Variants in RRP1B observed in about 807,000 individuals in gnomAD.
RRP1B encodes ribosomal RNA processing protein 1 homolog B.
RRP1B carries 56 observed loss-of-function variants against 80.2 expected under a neutral mutation model. The ratio of observed to expected loss-of-function variants is 0.70; its 90% confidence interval spans 0.56 to 0.87. RRP1B has a LOEUF of 0.87. Among genes scored for constraint, RRP1B ranks in the 40% least tolerant of loss-of-function variants. The probability of loss-of-function intolerance (pLI) is 0.00; values close to 1 mark genes in which losing one functional copy is unlikely to be tolerated. For synonymous variants in RRP1B, 351 were observed against 357.6 expected (o/e 0.98, Z 0.21); for missense variants, 807 against 939.8 (o/e 0.86, Z 1.85).
At position 43,683,314 on chromosome 21, in the gene RRP1B, A is replaced by C; in HGVS notation, c.832A>C (p.Ser278Arg). The part of the protein sequence containing the change: ...GKNHSRKDGL[S>R]DERGRDDCGT... ...AAACCATTCCAGAAAAGATGGACTC[A>C]GTGATGAAAGAGGAAGAGATGACTG... is the stretch of plus-strand genomic sequence containing the variant. Residue 278 changes from serine (S) to arginine (R), a missense_variant, in exon 9 of 16, where the codon AGT (serine) becomes CGT (arginine). Ser to Arg is a moderately radical substitution (Grantham distance 110, BLOSUM62 -1). Transcript: ENST00000340648. 1 of 1,614,206 alleles carries C rather than the reference A, an allele frequency of 6.2e-7. No individual in the cohort carries two copies. The highest frequency in any genetic ancestry group is 1.3e-5 in the African/African-American group (1 of 75,050).
chr21:43,678,072 A>G (rs145287121), intron 8 of RRP1B, among the ~76,000 whole-genome samples: 1,651 of 152,304 alleles, frequency 0.011, 31 homozygotes, highest in African/African-American at 0.036. Flanking sequence ...TTCTTTAAGG[A>G]ATCTCCACAC....
chr21:43,671,078 T>C (rs1029533022), intron 2 of RRP1B, among the ~76,000 whole-genome samples: 8 of 152,090 alleles, frequency 5.3e-5, no homozygotes, highest in African/African-American at 1.9e-4. Flanking sequence ...GGGTGTGGTG[T>C]GAGTCAGACT....
chr21:43,689,297 G>C (rs8133686), intron 13 of RRP1B, among the ~76,000 whole-genome samples: 9,366 of 152,318 alleles, frequency 0.061, 956 homozygotes, highest in African/African-American at 0.21. Flanking sequence ...TCACCTCTTG[G>C]TTTGCACACA....
At chr21:43,689,368 G>A (rs1002212737) in intron 13 of RRP1B, among the ~76,000 whole-genome samples, 2 of 152,224 alleles carry the variant, frequency 1.3e-5, no homozygotes, top group African/African-American at 4.8e-5. Flanking sequence ...CTGGTGAAGC[G>A]CTGGTTTGGG....
Position 43,674,625 on chromosome 21 carries a change from C to CTTTTTTTTT in RRP1B, c.358-11_358-10insTTTTTTTTT. On this transcript the variant is annotated splice_polypyrimidine_tract_variant and intron_variant, in intron 4 of 15. Transcript: ENST00000340648. Reference sequence around the variant, plus strand: ...TTTTTTTTTTTTTAAACAAAAATTGCCTTTCTTTAGCTGATTCGTCTGGTC... The same window carrying CTTTTTTTTT: ...TTTTTTTTTTTTTAAACAAAAATTGCTTTTTTTTTCTTTCTTTAGCTGATTCGTCTGGTC... The CTTTTTTTTT allele has an allele frequency of 2.5e-6, 2 of 797,950 alleles. No individual in the cohort carries two copies. Among genetic ancestry groups the CTTTTTTTTT allele is most frequent in the Non-Finnish European group, 3.3e-6 (2 of 603,604 alleles). The allele number at this position is 797,950 out of a possible 1,614,324, so 49.4% of individuals were successfully genotyped here. A position where few individuals can be genotyped will look rare whatever the true frequency, so the allele number is the denominator to read the frequency against.
chr21:43,691,304 C>T lies in RRP1B; in HGVS notation c.2020-135C>T, dbSNP rs2083085335. 1.4e-6 allele frequency: 1 copy of T among 739,170 alleles called. No homozygotes were observed. The highest frequency in any genetic ancestry group is 2.2e-6 in the Non-Finnish European group (1 of 448,160). The allele number at this position is 739,170 out of a possible 1,614,324, so 45.8% of individuals were successfully genotyped here. ...GTCTTGGCCGCAGTCCCTTTGGCCT[C>T]TCCCTATATGTGCCACTCAGTAAGC... is the stretch of plus-strand genomic sequence containing the variant. On this transcript the variant is annotated intron_variant, in intron 14 of 15. Transcript: ENST00000340648. This position sits in a 1 kb window ranked among gnomAD's most constrained non-coding sequence, Gnocchi z 4.2.
At position 43,691,896 on chromosome 21, in the gene RRP1B, C is replaced by G. The variant is rs2083088392; in HGVS notation, c.2083+394C>G. On this transcript the variant is annotated intron_variant, in intron 15 of 15. Coordinates refer to ENST00000340648, the MANE Select transcript of RRP1B (RefSeq NM_015056.3). This position sits in a 1 kb window ranked among gnomAD's most constrained non-coding sequence, Gnocchi z 4.2. ...TCCTGACCTCAGGTGATCTGCCTGC[C>G]TCGGCCTCCCAAAGATCTGGGATTA... Among the ~76,000 whole-genome samples the G allele has an allele frequency of 6.6e-6, 1 of 152,062 alleles. No homozygotes were observed. The highest frequency in any genetic ancestry group is 6.5e-5 in the Admixed American group (1 of 15,272).
chr21:43,688,177 G>A lies in RRP1B; in HGVS notation c.1803G>A (p.Val601=), dbSNP rs949552787. The A allele has an allele frequency of 3.8e-6, 6 of 1,576,282 alleles. No individual in the cohort carries two copies. In the African/African-American group the frequency reaches 5.4e-5, roughly 14 times the overall value. ...ASLKKRKKMR[V]MSNLVEHNGV... is the part of the protein sequence containing the mutation. ...TGAAAAAGAGGAAGAAAATGAGAGT[G>A]ATGTCAAACTTGGTGGAGCACAACG... The change falls in exon 13 of 16, where the codon GTG becomes GTA. Residue 601 remains valine, a synonymous_variant. Transcript: ENST00000340648.
rs1261380338 is a variant in RRP1B, at chr21:43,675,051, T to A, written c.437T>A (p.Leu146Ter). The A allele has an allele frequency of 2.5e-6, 4 of 1,614,072 alleles. No individual in the cohort carries two copies. Among genetic ancestry groups the A allele is most frequent in the Non-Finnish European group, 3.4e-6 (4 of 1,179,970 alleles). ...TTCTTTAGCCGAATCAAGGTTTTCT[T>A]GGATGTCCTGATGAAGGAGGTCCTG... Reference protein sequence around the residue: ...GWEESRIKVFLDVLMKEVLCP... With the variant: ...GWEESRIKVF The change falls in exon 6 of 16, where the codon TTG (leucine) becomes TAG (stop). Residue 146 changes from leucine (L) to a stop codon, truncating the protein, a stop_gained. Coordinates refer to ENST00000340648, the MANE Select transcript of RRP1B (RefSeq NM_015056.3). LOFTEE classifies it high-confidence loss of function.
intron 2 of RRP1B, 87 bp from the exon 3 acceptor site, chr21:43,672,221 A>G: frequency 9.1e-7 from 1 of 1,100,362 alleles, no homozygotes; most frequent in East Asian, 2.4e-5. Context: ...CACGAGCGGA[A>G]GTGGGAGAAG....
intron 15 of RRP1B, among the ~76,000 whole-genome samples, chr21:43,692,602 CAAA>C (rs879723593): frequency 2.0e-5 from 2 of 100,746 alleles, no homozygotes. Context: ...GACTCCATCT[CAAA>C]AAAAAAAAAA....
At chr21:43,690,043 T>C (rs2083080142) in intron 13 of RRP1B, among the ~76,000 whole-genome samples, 1 of 152,234 alleles carries the variant, frequency 6.6e-6, no homozygotes, top group African/African-American at 2.4e-5. Flanking sequence ...TAAAAGTGGG[T>C]CCTTACTCTG....
chr21:43,672,170 A>T (rs2083001951), intron 2 of RRP1B, 138 bp from the exon 3 acceptor site: 1 of 704,626 alleles, frequency 1.4e-6, no homozygotes, highest in African/African-American at 1.8e-5. Context: ...ATATTCGGAT[A>T]CATACTTCTT....
chr21:43,683,216 G>A, intron 8 of RRP1B, 63 bp from the exon 9 acceptor site: 1 of 1,326,002 alleles, frequency 7.5e-7, no homozygotes, highest in Admixed American at 1.8e-5. Flanking sequence ...TGGCTCCTGT[G>A]GAAGTAGTCA....
At chr21:43,660,575 A>G (rs893932139) in intron 1 of RRP1B, among the ~76,000 whole-genome samples, 1 of 152,070 alleles carries the variant, frequency 6.6e-6, no homozygotes, top group African/African-American at 2.4e-5. Flanking sequence ...AAAGAAAAGA[A>G]AAGAAAAAAG....
chr21:43,663,981 C>T (rs1347752946), intron 1 of RRP1B, among the ~76,000 whole-genome samples: 1 of 152,226 alleles, frequency 6.6e-6, no homozygotes, highest in Non-Finnish European at 1.5e-5. Flanking sequence ...TGAAACCAAA[C>T]TGCTTCAGAT....
In RRP1B at chr21:43,661,774, G is replaced by A. The variant is rs1459854066; in HGVS notation, c.130+1980G>A. Among the ~76,000 whole-genome samples, 6 of 152,286 alleles carry A rather than the reference G, an allele frequency of 3.9e-5. No homozygotes were observed. In the East Asian group the frequency reaches 1.2e-3, roughly 29 times the overall value. On this transcript the variant is annotated intron_variant, in intron 1 of 15. Transcript: ENST00000340648. Reference sequence around the variant, plus strand: ...GGTGCTCTTCCTGCCTAAGCCCCGTGTAACTGCTTCATGTTCCGTCAACAG... The same window carrying A: ...GGTGCTCTTCCTGCCTAAGCCCCGTATAACTGCTTCATGTTCCGTCAACAG...
In RRP1B at chr21:43,691,448, A is replaced by G. The variant is rs148046281; in HGVS notation, c.2029A>G (p.Thr677Ala). 9.0e-5 allele frequency: 145 copies of G among 1,613,942 alleles called. 1 individual carries two copies. The African/African-American group carries it at 1.8e-3, about 20-fold the overall frequency. ...TATTTCTCTTCTGCAGCTAAACAAG[A>G]CACCATCCAGCTCCAAGAAAGTCAC... ...PPGPAVQLNK[T>A]PSSSKKVTFG... Residue 677 changes from threonine to alanine, a missense_variant, in exon 15 of 16, where the codon ACA (threonine) becomes GCA (alanine). Thr to Ala is a moderately conservative substitution (Grantham distance 58, BLOSUM62 0). Transcript: ENST00000340648. The surrounding 1 kb of genome is among the most constrained non-coding windows in gnomAD (Gnocchi z 4.2).
intron 1 of RRP1B, among the ~76,000 whole-genome samples, chr21:43,664,611 C>T (rs1023999885): frequency 1.3e-5 from 2 of 152,218 alleles, no homozygotes; most frequent in Non-Finnish European, 2.9e-5. Context: ...TACTCTGTTG[C>T]CTCCTAGAAA....
Sources: allele counts gnomAD v4.1 joint callset (sites outside exome capture counted in the v4.1 genomes callset), GRCh38; gene constraint gnomAD v4.1.1; non-coding constraint Gnocchi (gnomAD v3.1); transcripts MANE v1.5; gene names NCBI Gene and HGNC (gene_info 2026-07-23, HGNC 2026-07-21).